Variants in SCN9A observed in about 807,000 individuals in gnomAD.
The protein encoded by SCN9A is sodium channel protein type 9 subunit alpha.
In SCN9A, 131 loss-of-function variants were observed where a neutral mutation model predicts 187.0. The ratio of observed to expected loss-of-function variants is 0.70; its 90% confidence interval spans 0.61 to 0.81. SCN9A has a LOEUF of 0.81. Among genes scored for constraint, SCN9A ranks in the 30% least tolerant of loss-of-function variants. SCN9A has a pLI of 0.00. For synonymous variants in SCN9A, 809 were observed against 808.6 expected (o/e 1.00, Z -0.01); for missense variants, 2,252 against 2,396.6 (o/e 0.94, Z 1.26).
rs765757819 is a variant in SCN9A, at chr2:166,228,926, A to C, written c.3971T>G (p.Val1324Gly). The C allele has an allele frequency of 6.2e-7, 1 of 1,613,856 alleles. No individual in the cohort carries two copies. The highest frequency in any genetic ancestry group is 2.2e-5 in the East Asian group (1 of 44,884). The change falls in exon 22 of 27, where the codon GTG (valine) becomes GGG (glycine). Residue 1324 changes from valine (V) to glycine (G), a missense_variant. Coordinates refer to ENST00000642356, the MANE Select transcript of SCN9A (RefSeq NM_001365536.1). Reference protein sequence around the residue: ...LIGAIPSIMNVLLVCLIFWLI... With the variant: ...LIGAIPSIMNGLLVCLIFWLI... Reference sequence around the variant, plus strand: ...CCAGAATATAAGACACACAAGTAGCACATTCATGATGGAAGGAATTGCTCC... The same window carrying C: ...CCAGAATATAAGACACACAAGTAGCCCATTCATGATGGAAGGAATTGCTCC...
At chr2:166,207,791 T>C (rs541582779) in intron 24 of SCN9A, among the ~76,000 whole-genome samples, 1 of 152,278 alleles carries the variant, frequency 6.6e-6, no homozygotes, top group African/African-American at 2.4e-5. Context: ...GCAGTCTTTA[T>C]GTAATTTTCA....
chr2:166,280,975 G>A (rs548155568), intron 13 of SCN9A, among the ~76,000 whole-genome samples: 1 of 152,238 alleles, frequency 6.6e-6, no homozygotes, highest in Admixed American at 6.5e-5. Flanking sequence ...ACAATAAGAT[G>A]AGACTATTCT....
At chr2:166,288,162 T>TACAC (rs10584581) in intron 10 of SCN9A, among the ~76,000 whole-genome samples, 5,972 of 146,806 alleles carry the variant, frequency 0.041, 366 homozygotes, top group African/African-American at 0.13. Flanking sequence ...TATATAGACA[T>TACAC]ACACACACAC....
intron 17 of SCN9A, among the ~76,000 whole-genome samples, chr2:166,254,770 G>A (rs1057194815): frequency 1.3e-5 from 2 of 151,314 alleles, no homozygotes; most frequent in Non-Finnish European, 3.0e-5. Context: ...AGGACCTTCT[G>A]TAATTTTCAC....
intron 1 of SCN9A, among the ~76,000 whole-genome samples, chr2:166,332,618 CAT>C (rs1699532372): frequency 6.6e-6 from 1 of 152,098 alleles, no homozygotes; most frequent in South Asian, 2.1e-4. Flanking sequence ...TTGTTCCTAT[CAT>C]ATTACTTCTT....
rs577943385 is a variant in SCN9A at position 166,218,193 on chromosome 2, G to A, written c.4398+8374C>T. Among the ~76,000 whole-genome samples, 9 of 143,242 alleles carry A rather than the reference G, an allele frequency of 6.3e-5. No individual in the cohort carries two copies. In the South Asian group the frequency reaches 8.7e-4, roughly 14 times the overall value. The allele number at this position is 143,242 out of a possible 152,430, so 94.0% of individuals were successfully genotyped here. A position where few individuals can be genotyped will look rare whatever the true frequency, so the allele number is the denominator to read the frequency against. ...CCCAACATGAATGAAACTAAAGGACGTTATGCTAAGCAAAATTAGCCAGGT... is the reference window on the plus strand; with the variant it reads ...CCCAACATGAATGAAACTAAAGGACATTATGCTAAGCAAAATTAGCCAGGT... On this transcript the variant is annotated intron_variant, in intron 24 of 26. Transcript: ENST00000642356.
At chr2:166,275,596 A>AAAT (rs1559001360) in intron 16 of SCN9A, among the ~76,000 whole-genome samples, 1 of 150,160 alleles carries the variant, frequency 6.7e-6, no homozygotes, top group Non-Finnish European at 1.5e-5. Context: ...AAAAAAAAAA[A>AAAT]ATACACAAGC....
intron 1 of SCN9A, among the ~76,000 whole-genome samples, chr2:166,360,098 G>A (rs1700241985): frequency 6.6e-6 from 1 of 151,192 alleles, no homozygotes; most frequent in Non-Finnish European, 1.5e-5. Flanking sequence ...GCGCATGCCT[G>A]TAATCCCAGC....
At chr2:166,345,259 C>T (rs992046004) in intron 1 of SCN9A, among the ~76,000 whole-genome samples, 11 of 152,008 alleles carry the variant, frequency 7.2e-5, no homozygotes, top group African/African-American at 2.7e-4. Context: ...TTTAGGATTT[C>T]TTCAGGACAT....
rs115464654 is a variant in SCN9A, at chr2:166,198,295, G to C, written c.*377C>G. 5.0e-3 allele frequency: 829 copies of C among 167,438 alleles called. 12 individuals carry two copies. Among genetic ancestry groups the C allele is most frequent in the African/African-American group, 0.019 (785 of 41,968 alleles). 10.4% of individuals were successfully genotyped at this position (167,438 alleles called of 1,614,324 possible). On this transcript the variant is annotated 3_prime_UTR_variant, in exon 27 of 27. Coordinates refer to ENST00000642356, the MANE Select transcript of SCN9A (RefSeq NM_001365536.1). ...ATTTCCAAATAATAGATAAATAATAGATTTTTCTGTATGCGTGTGTTGTTT... is the reference window on the plus strand; with the variant it reads ...ATTTCCAAATAATAGATAAATAATACATTTTTCTGTATGCGTGTGTTGTTT...
chr2:166,202,110 T>C (rs1693565421), intron 26 of SCN9A, among the ~76,000 whole-genome samples: 1 of 151,828 alleles, frequency 6.6e-6, no homozygotes, highest in African/African-American at 2.4e-5. Flanking sequence ...TATGTAAACA[T>C]TTCACCTATT....
chr2:166,350,688 A>C (rs1700013448), intron 1 of SCN9A, among the ~76,000 whole-genome samples: 1 of 152,226 alleles, frequency 6.6e-6, no homozygotes, highest in South Asian at 2.1e-4. Context: ...TAACTTAGTC[A>C]TCAATGATTC....
chr2:166,288,412 A>G (rs1458003057), intron 10 of SCN9A, 25 bp downstream of exon 10: 2 of 1,579,112 alleles, frequency 1.3e-6, no homozygotes, highest in East Asian at 2.2e-5. Context: ...ACCTCTAGGA[A>G]GAATTTTAAA....
intron 1 of SCN9A, among the ~76,000 whole-genome samples, chr2:166,341,420 C>T (rs1195223882): frequency 6.6e-6 from 1 of 152,222 alleles, no homozygotes; most frequent in African/African-American, 2.4e-5. Flanking sequence ...AGAAGTCAGG[C>T]TTTGAGCTTT....
chr2:166,226,925 ATAAT>A (rs1353125248), intron 23 of SCN9A, among the ~76,000 whole-genome samples: 5 of 152,072 alleles, frequency 3.3e-5, no homozygotes, highest in Admixed American at 1.3e-4. Context: ...TATGTAATAA[ATAAT>A]ATAATCTTCA....
intron 1 of SCN9A, among the ~76,000 whole-genome samples, chr2:166,360,241 A>AG (rs1302108342): frequency 6.6e-6 from 1 of 151,170 alleles, no homozygotes; most frequent in East Asian, 1.9e-4. Flanking sequence ...AAAAAGAAAA[A>AG]AAAAAAAAGA....
At chr2:166,325,384 T>C (rs1699338378) in intron 1 of SCN9A, among the ~76,000 whole-genome samples, 1 of 152,158 alleles carries the variant, frequency 6.6e-6, no homozygotes, top group Non-Finnish European at 1.5e-5. Flanking sequence ...CTGATCAGTT[T>C]TCTTAAAGTA....
chr2:166,306,452 A>C (rs1698760042), intron 4 of SCN9A, 58 bp downstream of exon 4: 1 of 962,160 alleles, frequency 1.0e-6, no homozygotes, highest in Non-Finnish European at 1.6e-6. Context: ...TGGCAGGAAA[A>C]GGAAAGGATG....
At chr2:166,293,924 A>G (rs550290712) in intron 8 of SCN9A, among the ~76,000 whole-genome samples, 16 of 152,272 alleles carry the variant, frequency 1.1e-4, no homozygotes, top group African/African-American at 3.8e-4. Context: ...TGATGCCATT[A>G]AATAAATACA....
Sources: allele counts gnomAD v4.1 joint callset (sites outside exome capture counted in the v4.1 genomes callset), GRCh38; gene constraint gnomAD v4.1.1; transcripts MANE v1.5; gene names NCBI Gene and HGNC (gene_info 2026-07-23, HGNC 2026-07-21).